Variants in UFSP2 observed in about 807,000 individuals in gnomAD.
UFSP2 encodes ufm1-specific protease 2.
In UFSP2, 43 loss-of-function variants were observed where a neutral mutation model predicts 60.2. The ratio of observed to expected loss-of-function variants is 0.71; its 90% CI spans 0.56 to 0.92. UFSP2 has a LOEUF of 0.92. Among genes scored for constraint, UFSP2 ranks in the 40% least tolerant of loss-of-function variants. The pLI is 0.00. For synonymous variants in UFSP2, 183 were observed against 195.1 expected (o/e 0.94, Z 0.52); for missense variants, 520 against 575.0 (o/e 0.90, Z 0.98).
intron 11 of UFSP2, among the ~76,000 whole-genome samples, chr4:185,403,000 A>G (rs1335882554): frequency 2.0e-5 from 3 of 152,180 alleles, no homozygotes; most frequent in South Asian, 2.1e-4. Flanking sequence ...TTTATCTGCT[A>G]TTGTAAGTAA....
At chr4:185,411,921 C>T (rs946531472) in intron 7 of UFSP2, among the ~76,000 whole-genome samples, 1 of 152,094 alleles carries the variant, frequency 6.6e-6, no homozygotes, top group Admixed American at 6.6e-5. Flanking sequence ...ATACTAAAAG[C>T]GACATTGCTG....
chr4:185,413,683 A>G (rs1446843048), intron 7 of UFSP2, 43 bp downstream of exon 7: 1 of 1,562,974 alleles, frequency 6.4e-7, no homozygotes, highest in Non-Finnish European at 8.6e-7. Flanking sequence ...AACTAATAAC[A>G]TTACTGATCC....
intron 1 of UFSP2, among the ~76,000 whole-genome samples, chr4:185,423,735 A>C (rs764783458): frequency 2.0e-5 from 3 of 152,174 alleles, no homozygotes; most frequent in Non-Finnish European, 4.4e-5. Context: ...GATATATCAC[A>C]AATGACATGT....
intron 11 of UFSP2, 78 bp downstream of exon 11, chr4:185,403,414 TTC>T: frequency 4.5e-6 from 7 of 1,551,182 alleles, no homozygotes; most frequent in South Asian, 1.2e-5. Context: ...CTTATTGTCT[TTC>T]TGTTACCAGC....
chr4:185,422,615 A>C, intron 1 of UFSP2, 52 bp from the exon 2 acceptor site: 10 of 1,202,762 alleles, frequency 8.3e-6, no homozygotes, highest in Non-Finnish European at 1.2e-5. Context: ...AAACAAACTC[A>C]TATTCATATA....
chr4:185,409,376 G>C (rs939669436), intron 7 of UFSP2, among the ~76,000 whole-genome samples: 4 of 151,884 alleles, frequency 2.6e-5, no homozygotes, highest in African/African-American at 9.7e-5. Flanking sequence ...ATTTTTTTGA[G>C]ATTGGGTCAC....
chr4:185,410,295 T>C (rs2095526983), intron 7 of UFSP2, among the ~76,000 whole-genome samples: 1 of 152,104 alleles, frequency 6.6e-6, no homozygotes, highest in Non-Finnish European at 1.5e-5. Flanking sequence ...TCCTTCAAAT[T>C]AAACCTATAA....
chr4:185,406,073 A>T (rs1049176756), intron 9 of UFSP2: 1 of 921,526 alleles, frequency 1.1e-6, no homozygotes. Flanking sequence ...AGTGTGCTAG[A>T]TAAGACGCTA....
In UFSP2 at chr4:185,400,031, A is replaced by C. The variant is rs1363818645; in HGVS notation, c.*361T>G. On this transcript the variant is annotated 3_prime_UTR_variant, in exon 12 of 12. Coordinates refer to ENST00000264689, the MANE Select transcript of UFSP2 (RefSeq NM_018359.5). The stretch of plus-strand genomic sequence containing the variant: ...TTTAAAAACAGATGTCACGTGGGTT[A>C]TGAAGAAGTCTGAAGAACGCCTTCA... 1 of 1,596,878 alleles carries C rather than the reference A, an allele frequency of 6.3e-7. No homozygotes were observed. The highest frequency in any genetic ancestry group is 8.5e-7 in the Non-Finnish European group (1 of 1,171,568).
Position 185,399,550 on chromosome 4 carries a change from C to T in UFSP2, c.*842G>A, listed in dbSNP as rs1256197234. On this transcript the variant is annotated 3_prime_UTR_variant, in exon 12 of 12. Coordinates refer to ENST00000264689, the MANE Select transcript of UFSP2 (RefSeq NM_018359.5). Reference sequence around the variant, plus strand: ...TTAAGTTCAATGTTTCATTTCACTCCGTTTTTATCCTGTTTTCAGTTTATG... The same window carrying T: ...TTAAGTTCAATGTTTCATTTCACTCTGTTTTTATCCTGTTTTCAGTTTATG... The T allele has an allele frequency of 1.2e-5, 19 of 1,612,140 alleles. No homozygotes were observed. The highest frequency in any genetic ancestry group is 5.3e-5 in the African/African-American group (4 of 74,838).
At chr4:185,407,056 GT>G (rs200789059) in intron 9 of UFSP2, among the ~76,000 whole-genome samples, 68 of 51,980 alleles carry the variant, frequency 1.3e-3, no homozygotes, top group African/African-American at 2.6e-3. Context: ...GTATTTTTCT[GT>G]TTTTTTTTTT....
At chr4:185,418,124 T>C (rs992864837) in intron 4 of UFSP2, among the ~76,000 whole-genome samples, 2 of 151,708 alleles carry the variant, frequency 1.3e-5, no homozygotes, top group African/African-American at 4.9e-5. Flanking sequence ...ATTTGTCTTA[T>C]GTGGCACAAT....
chr4:185,415,040 C>T, intron 6 of UFSP2, 115 bp downstream of exon 6: 1 of 881,196 alleles, frequency 1.1e-6, no homozygotes, highest in South Asian at 2.0e-5. Context: ...AGTCTAAATT[C>T]CACACTTTTA....
rs575173461 is a variant in UFSP2 at position 185,415,518 on chromosome 4, T to C, written c.492-171A>G. Among the ~76,000 whole-genome samples, 3 of 152,300 alleles carry C rather than the reference T, an allele frequency of 2.0e-5. No homozygotes were observed. The South Asian group carries it at 6.2e-4, about 32-fold the overall frequency. ...AAACTGTGTATTTGCTCTTTGTGGA[T>C]AAAGGGAAATCCTCCAGGTTTTAGC... On this transcript the variant is annotated intron_variant, in intron 5 of 11. Coordinates refer to ENST00000264689, the MANE Select transcript of UFSP2 (RefSeq NM_018359.5).
intron 10 of UFSP2, among the ~76,000 whole-genome samples, chr4:185,405,172 G>C (rs971941696): frequency 3.4e-4 from 47 of 139,448 alleles, no homozygotes; most frequent in South Asian, 1.8e-3. Flanking sequence ...TAATTTGTGT[G>C]TTTTTTTTTT....
At chr4:185,404,626 T>TACCC (rs1295302851) in intron 10 of UFSP2, among the ~76,000 whole-genome samples, 4 of 146,816 alleles carry the variant, frequency 2.7e-5, no homozygotes, top group African/African-American at 5.1e-5. Flanking sequence ...CTTGCTCTGC[T>TACCC]ACCCAGGCTG....
chr4:185,413,401 A>C (rs1279639970), intron 7 of UFSP2, among the ~76,000 whole-genome samples: 6 of 152,088 alleles, frequency 3.9e-5, no homozygotes, highest in Non-Finnish European at 5.9e-5. Context: ...AAAACAAAAA[A>C]AGATTTATCC....
intron 9 of UFSP2, among the ~76,000 whole-genome samples, chr4:185,407,484 G>A (rs1469282626): frequency 6.6e-6 from 1 of 151,998 alleles, no homozygotes; most frequent in Non-Finnish European, 1.5e-5. Context: ...AAGACAAAAT[G>A]AATACATTAT....
intron 7 of UFSP2, among the ~76,000 whole-genome samples, chr4:185,410,490 A>G (rs1057081879): frequency 6.6e-6 from 1 of 151,920 alleles, no homozygotes; most frequent in East Asian, 1.9e-4. Flanking sequence ...CTCTACTAAA[A>G]ATACAAAAAT....
Sources: allele counts gnomAD v4.1 joint callset (sites outside exome capture counted in the v4.1 genomes callset), GRCh38; gene constraint gnomAD v4.1.1; transcripts MANE v1.5; gene names NCBI Gene and HGNC (gene_info 2026-07-23, HGNC 2026-07-21).